FSTL5: variants seen among roughly 807,000 people sequenced by gnomAD.
FSTL5 encodes follistatin like 5.
In FSTL5, 62 loss-of-function variants were observed where a neutral mutation model predicts 89.1. The observed-to-expected ratio is 0.70, with a 90% CI of 0.57 to 0.86. The LOEUF (loss-of-function observed/expected upper bound fraction) is 0.86. Among genes scored for constraint, FSTL5 ranks in the 40% least tolerant of loss-of-function variants. The pLI is 0.00. For synonymous variants in FSTL5, 383 were observed against 346.2 expected (o/e 1.11, Z -1.18); for missense variants, 1,057 against 1,001.6 (o/e 1.06, Z -0.75).
At chr4:161,899,676 T>C (rs1419630329) in intron 4 of FSTL5, among the ~76,000 whole-genome samples, 1 of 152,154 alleles carries the variant, frequency 6.6e-6, no homozygotes, top group Non-Finnish European at 1.5e-5. Context: ...TCCCCTGAAA[T>C]GCCATTTTGG....
intron 7 of FSTL5, among the ~76,000 whole-genome samples, chr4:161,607,044 T>C (rs1734471565): frequency 1.3e-5 from 2 of 152,120 alleles, no homozygotes; most frequent in African/African-American, 4.8e-5. Flanking sequence ...AGAAATGTTT[T>C]ACAACAAAAA....
intron 4 of FSTL5, among the ~76,000 whole-genome samples, chr4:161,786,724 T>C (rs904769686): frequency 5.3e-5 from 8 of 152,234 alleles, no homozygotes; most frequent in African/African-American, 1.7e-4. Flanking sequence ...TTCTCTACTA[T>C]ATGATGATTC....
At chr4:162,023,770 G>A (rs189530156) in intron 3 of FSTL5, among the ~76,000 whole-genome samples, 84 of 152,236 alleles carry the variant, frequency 5.5e-4, no homozygotes, top group Middle Eastern at 3.4e-3. Context: ...CATAGAACTG[G>A]GACATCAAAG....
intron 10 of FSTL5, among the ~76,000 whole-genome samples, chr4:161,522,890 T>C (rs1288774495): frequency 6.6e-6 from 1 of 151,896 alleles, no homozygotes; most frequent in Non-Finnish European, 1.5e-5. Context: ...AAAATAGTCC[T>C]ATATCTAGAA....
chr4:161,600,350 GGA>G (rs1734187106), intron 7 of FSTL5, among the ~76,000 whole-genome samples: 1 of 152,012 alleles, frequency 6.6e-6, no homozygotes, highest in Admixed American at 6.6e-5. Flanking sequence ...AGGAGAAGAA[GGA>G]GAGTGTAATG....
At chr4:161,960,391 G>A (rs1451912610) in intron 3 of FSTL5, among the ~76,000 whole-genome samples, 1 of 151,642 alleles carries the variant, frequency 6.6e-6, no homozygotes, top group African/African-American at 2.4e-5. Context: ...GGTCAGGCTG[G>A]TCTCAAACTC....
chr4:161,661,210 C>G (rs765320358), intron 6 of FSTL5, among the ~76,000 whole-genome samples: 1 of 152,106 alleles, frequency 6.6e-6, no homozygotes. Flanking sequence ...GAAGAGCAAG[C>G]TTTTCATAAC....
chr4:161,920,609 C>A lies in FSTL5; in HGVS notation c.204G>T (p.Lys68Asn). The change falls in exon 4 of 16, where the codon AAG becomes AAT. Residue 68 changes from lysine (K) to asparagine (N), a missense_variant. Physicochemically the swap from Lys to Asn is moderately conservative, Grantham distance 94. Around this residue, in one of 3 missense-constraint regions of FSTL5, gnomAD observed 980 missense variants for 903.2 expected, o/e 1.08. Coordinates refer to ENST00000306100, the MANE Select transcript of FSTL5 (RefSeq NM_020116.5). ...QDGPFGSCENKYCGLGRHCVT... is the reference protein window; with the variant it reads ...QDGPFGSCENNYCGLGRHCVT... Reference sequence around the variant, plus strand: ...CACAGTGTCTTCCCAAACCACAGTACTTATTTTCACAAGATCCAAAAGGGC... The same window carrying A: ...CACAGTGTCTTCCCAAACCACAGTAATTATTTTCACAAGATCCAAAAGGGC... 6.2e-7 allele frequency: 1 copy of A among 1,613,598 alleles called. No homozygotes were observed. The highest frequency in any genetic ancestry group is 8.5e-7 in the Non-Finnish European group (1 of 1,179,842).
chr4:161,723,906 T>A (rs6854992), intron 6 of FSTL5, among the ~76,000 whole-genome samples: 14 of 151,846 alleles, frequency 9.2e-5, no homozygotes, highest in African/African-American at 3.1e-4. Context: ...CAAAAAAAAT[T>A]TGCTGTTTGG....
rs1308043385 is a variant in FSTL5, at chr4:161,705,993, TATACAC to T, written c.728-49505_728-49500del. Among the ~76,000 whole-genome samples the T allele has an allele frequency of 8.9e-4, 50 of 56,138 alleles. 3 individuals are homozygous for T. The East Asian group carries it at 0.01, about 11-fold the overall frequency. The allele number at this position is 56,138 out of a possible 152,430, so 36.8% of individuals were successfully genotyped here. ...ATATATATATATATATATATATATATATACACACATCTACACACACACAGACTATAC... is the reference window on the plus strand; with the variant it reads ...ATATATATATATATATATATATATATACATCTACACACACACAGACTATAC... On this transcript the variant is annotated intron_variant, in intron 6 of 15. Transcript: ENST00000306100.
Position 161,571,966 on chromosome 4 carries a change from G to A in FSTL5, c.1015+15489C>T, listed in dbSNP as rs570481295. On this transcript the variant is annotated intron_variant, in intron 8 of 15. Transcript: ENST00000306100. Reference sequence around the variant, plus strand: ...AAATTAGGCTAGAGACACAATAAACGTATTTCCTCTTCTTTTTTAAATACA... The same window carrying A: ...AAATTAGGCTAGAGACACAATAAACATATTTCCTCTTCTTTTTTAAATACA... Among the ~76,000 whole-genome samples, 4 of 152,192 alleles carry A rather than the reference G, an allele frequency of 2.6e-5. No individual in the cohort carries two copies. The South Asian group carries it at 6.2e-4, about 24-fold the overall frequency.
intron 2 of FSTL5, among the ~76,000 whole-genome samples, chr4:162,085,061 GC>G (rs1730255942): frequency 6.6e-6 from 1 of 151,894 alleles, no homozygotes; most frequent in African/African-American, 2.4e-5. Flanking sequence ...CTAAATAACA[GC>G]TGTTACAAGC....
chr4:162,061,468 G>A (rs1265638967), intron 2 of FSTL5, among the ~76,000 whole-genome samples: 8 of 152,088 alleles, frequency 5.3e-5, no homozygotes, highest in Admixed American at 3.9e-4. Context: ...AGTATCAAGC[G>A]ACAGTACTTT....
intron 2 of FSTL5, among the ~76,000 whole-genome samples, chr4:162,052,713 G>A (rs1230971501): frequency 6.6e-6 from 1 of 151,722 alleles, no homozygotes; most frequent in East Asian, 1.9e-4. Flanking sequence ...GAAAAATTAA[G>A]CAAACGCGTG....
At chr4:161,761,352 T>C (rs137978315) in intron 5 of FSTL5, among the ~76,000 whole-genome samples, 2 of 152,318 alleles carry the variant, frequency 1.3e-5, no homozygotes, top group African/African-American at 4.8e-5. Flanking sequence ...AAATGACTTT[T>C]GACTTTTCCT....
Position 161,941,187 on chromosome 4 carries a change from A to G in FSTL5, c.161-20535T>C, listed in dbSNP as rs184316800. 4.2e-3 allele frequency among the ~76,000 whole-genome samples: 635 copies of G among 152,002 alleles called. 1 individual carries two copies. The highest frequency in any genetic ancestry group is 7.5e-3 in the Non-Finnish European group (510 of 67,816). The stretch of plus-strand genomic sequence containing the variant: ...ATAAAAGGAAACAAGAAGCAAATGA[A>G]AACAGTATACTATAAACATTAATTG... On this transcript the variant is annotated intron_variant, in intron 3 of 15. Coordinates refer to ENST00000306100, the MANE Select transcript of FSTL5 (RefSeq NM_020116.5).
chr4:161,657,027 C>T (rs978561354), intron 6 of FSTL5, among the ~76,000 whole-genome samples: 10 of 152,170 alleles, frequency 6.6e-5, no homozygotes, highest in African/African-American at 2.4e-4. Flanking sequence ...ATTCCATCAG[C>T]TGTCTTTACC....
chr4:161,540,700 T>A (rs940000496), intron 9 of FSTL5, among the ~76,000 whole-genome samples: 1 of 152,092 alleles, frequency 6.6e-6, no homozygotes, highest in African/African-American at 2.4e-5. Context: ...ATCTTCTATT[T>A]TTTTTTCCTT....
At chr4:161,468,006 T>C (rs1395870775) in intron 13 of FSTL5, among the ~76,000 whole-genome samples, 3 of 152,132 alleles carry the variant, frequency 2.0e-5, no homozygotes, top group Non-Finnish European at 2.9e-5. Context: ...TCATTCCATA[T>C]ACTCAGGAGA....
Sources: gnomAD v4.1 joint callset for allele counts (sites outside exome capture counted in the v4.1 genomes callset) on GRCh38, gnomAD v4.1.1 for gene constraint, gnomAD v4.1.1 regional missense constraint, MANE v1.5 for transcripts, NCBI Gene and HGNC (gene_info 2026-07-23, HGNC 2026-07-21) for gene names.